TMPRSS2: variants seen among roughly 807,000 people sequenced by gnomAD.
TMPRSS2 encodes transmembrane protease serine 2.
In TMPRSS2, 59 loss-of-function variants were observed where a neutral mutation model predicts 67.4. The ratio of observed to expected loss-of-function variants is 0.88; its 90% confidence interval spans 0.71 to 1.09. The LOEUF is 1.09. Among genes scored for constraint, TMPRSS2 ranks in the 50% least tolerant of loss-of-function variants. TMPRSS2 has a pLI of 0.00. For missense variants in TMPRSS2, 668 were observed against 642.7 expected, an observed-to-expected ratio of 1.04 and a Z score of -0.43; for synonymous variants, 257 against 257.0, an observed-to-expected ratio of 1.00 and a Z score of 0.00.
At chr21:41,482,507 C>T (rs945570068) in intron 5 of TMPRSS2, among the ~76,000 whole-genome samples, 1 of 152,232 alleles carries the variant, frequency 6.6e-6, no homozygotes, top group African/African-American at 2.4e-5. Context: ...GAGAAATACA[C>T]ATGGGCTTAA....
chr21:41,472,375 G>T (rs981191311), intron 9 of TMPRSS2, among the ~76,000 whole-genome samples: 1 of 152,170 alleles, frequency 6.6e-6, no homozygotes, highest in Admixed American at 6.5e-5. Flanking sequence ...AGACTTGTCC[G>T]ATATCAATCA....
intron 1 of TMPRSS2, among the ~76,000 whole-genome samples, chr21:41,503,180 G>A (rs1285189758): frequency 2.6e-5 from 4 of 152,312 alleles, no homozygotes; most frequent in African/African-American, 4.8e-5. Context: ...AGCAGAGGGC[G>A]ATAAGATGCC....
intron 10 of TMPRSS2, 102 bp downstream of exon 10, chr21:41,471,704 C>T (rs977040850): frequency 5.9e-5 from 81 of 1,379,874 alleles, no homozygotes; most frequent in Admixed American, 2.6e-4. Flanking sequence ...CCTCGCTCAA[C>T]GCAAATGCCT....
intron 5 of TMPRSS2, chr21:41,487,972 T>C (rs2091310116): frequency 6.5e-6 from 1 of 155,034 alleles, no homozygotes; most frequent in African/African-American, 2.4e-5. Flanking sequence ...TTTGTATTTT[T>C]AGTGGAGATA....
chr21:41,470,154 C>T (rs1348157810), intron 11 of TMPRSS2, among the ~76,000 whole-genome samples: 1 of 152,182 alleles, frequency 6.6e-6, no homozygotes, highest in Admixed American at 6.5e-5. Flanking sequence ...CAGCCAGGCT[C>T]CCTTCATTTG....
At position 41,468,516 on chromosome 21, in the gene TMPRSS2, G is replaced by A. The variant is rs1020870443; in HGVS notation, c.1194C>T (p.Asn398=). The A allele has an allele frequency of 1.2e-5, 19 of 1,613,982 alleles. No individual in the cohort carries two copies. Among genetic ancestry groups the A allele is most frequent in the Admixed American group, 8.3e-5 (5 of 59,998 alleles). The stretch of plus-strand genomic sequence containing the variant: ...TCTCAATGAGAAGCACCTTGGCAGC[G>A]TTCAGCACTTCTGAGGTCTTCCCTA... ...EEKGKTSEVL[N]AAKVLLIETQ... is the part of the protein sequence containing the mutation. The change falls in exon 12 of 14, where the codon AAC becomes AAT. Residue 398 remains asparagine, a synonymous_variant. Coordinates refer to ENST00000332149, the MANE Select transcript of TMPRSS2 (RefSeq NM_005656.4).
chr21:41,502,647 A>C, intron 1 of TMPRSS2: 1 of 952,502 alleles, frequency 1.0e-6, no homozygotes, highest in Non-Finnish European at 1.3e-6. Context: ...TGCATGACTA[A>C]ATGAGTTAGC....
At chr21:41,466,953 T>TC (rs1186672537) in intron 13 of TMPRSS2, among the ~76,000 whole-genome samples, 2 of 151,970 alleles carry the variant, frequency 1.3e-5, no homozygotes, top group African/African-American at 2.4e-5. Context: ...CCTGAGACCT[T>TC]CCCTCGTGCT....
At chr21:41,486,191 T>C (rs1401366045) in intron 5 of TMPRSS2, among the ~76,000 whole-genome samples, 5 of 152,188 alleles carry the variant, frequency 3.3e-5, no homozygotes, top group Non-Finnish European at 5.9e-5. Flanking sequence ...AACAAATGGT[T>C]CTAGTGTAAA....
chr21:41,497,389 ATC>A (rs2091391433), intron 2 of TMPRSS2, among the ~76,000 whole-genome samples: 1 of 152,190 alleles, frequency 6.6e-6, no homozygotes, highest in Non-Finnish European at 1.5e-5. Flanking sequence ...ACACAAGGTA[ATC>A]TCTCATCTAA....
intron 12 of TMPRSS2, 153 bp from the exon 13 acceptor site, chr21:41,468,039 G>A: frequency 3.9e-6 from 3 of 767,164 alleles, no homozygotes; most frequent in Admixed American, 2.7e-5. Context: ...AGGGGTGATG[G>A]TAACAGAGAT....
intron 7 of TMPRSS2, 61 bp downstream of exon 7, chr21:41,479,111 C>T: frequency 2.4e-6 from 3 of 1,275,302 alleles, no homozygotes; most frequent in Non-Finnish European, 3.4e-6. Context: ...GACAACGATT[C>T]CCCATGGTGT....
chr21:41,494,639 A>G, intron 2 of TMPRSS2, 61 bp from the exon 3 acceptor site: 1 of 1,381,484 alleles, frequency 7.2e-7, no homozygotes, highest in African/African-American at 1.4e-5. Flanking sequence ...AGGGTTACAT[A>G]CAAACTATCA....
chr21:41,488,551 G>T, intron 4 of TMPRSS2, 38 bp from the exon 5 acceptor site: 1 of 1,588,992 alleles, frequency 6.3e-7, no homozygotes. Flanking sequence ...CCTTCAGGCT[G>T]AGAAACGCAA....
At chr21:41,488,326 C>T (rs2091312168) in intron 5 of TMPRSS2, 68 bp downstream of exon 5, 1 of 1,569,464 alleles carries the variant, frequency 6.4e-7, no homozygotes, top group East Asian at 2.3e-5. Context: ...CACCCAAAGG[C>T]CCCTGGACCC....
At position 41,478,309 on chromosome 21, in the gene TMPRSS2, C is replaced by A. The variant is rs769723588; in HGVS notation, c.683+863G>T. The stretch of plus-strand genomic sequence containing the variant: ...AGGCTCCCACTCAGAGGAAAGGTGG[C>A]GCGGGGTGATTAGTTCATCCTCCCC... On this transcript the variant is annotated intron_variant, in intron 7 of 13. Coordinates refer to ENST00000332149, the MANE Select transcript of TMPRSS2 (RefSeq NM_005656.4). The surrounding 1 kb of genome is among the most constrained non-coding windows in gnomAD (Gnocchi z 4.0). 2.0e-5 allele frequency among the ~76,000 whole-genome samples: 3 copies of A among 152,154 alleles called. No homozygotes were observed. The highest frequency in any genetic ancestry group is 4.4e-5 in the Non-Finnish European group (3 of 68,028).
chr21:41,501,619 A>C (rs1418926419), intron 1 of TMPRSS2, among the ~76,000 whole-genome samples: 1 of 118,302 alleles, frequency 8.5e-6, no homozygotes. Flanking sequence ...AAAAAAAAAA[A>C]AAAAAAAAAA....
At chr21:41,507,162 G>C (rs987748104) in intron 1 of TMPRSS2, among the ~76,000 whole-genome samples, 3 of 152,210 alleles carry the variant, frequency 2.0e-5, no homozygotes, top group Admixed American at 6.5e-5. Context: ...AAACTTTCTG[G>C]ACATGGGGCA....
At chr21:41,490,680 CAG>C (rs1358530965) in intron 3 of TMPRSS2, among the ~76,000 whole-genome samples, 3 of 152,268 alleles carry the variant, frequency 2.0e-5, no homozygotes, top group African/African-American at 7.2e-5. Context: ...AAAAGTCACA[CAG>C]AGTTCAGAAG....
Sources: gnomAD v4.1 joint callset for allele counts (sites outside exome capture counted in the v4.1 genomes callset) on GRCh38, gnomAD v4.1.1 for gene constraint, Gnocchi (gnomAD v3.1) non-coding constraint, MANE v1.5 for transcripts, NCBI Gene and HGNC (gene_info 2026-07-23, HGNC 2026-07-21) for gene names.